Variants in ZBTB7C observed in about 807,000 individuals in gnomAD.
ZBTB7C encodes the protein zinc finger and BTB domain-containing protein 7C.
A neutral mutation model predicts 25.7 loss-of-function variants in ZBTB7C; 8 were observed. The observed-to-expected ratio is 0.31, with a 90% CI of 0.18 to 0.56. ZBTB7C has a LOEUF of 0.56. Ranked by LOEUF, ZBTB7C falls within the 20% of genes least tolerant of loss-of-function variation. The pLI is 0.91. For missense variants in ZBTB7C, 824 were observed against 855.2 expected, an observed-to-expected ratio of 0.96 and a Z score of 0.46; for synonymous variants, 394 against 369.0, an observed-to-expected ratio of 1.07 and a Z score of -0.78.
intron 3 of ZBTB7C, among the ~76,000 whole-genome samples, chr18:48,152,407 C>G (rs1166740573): frequency 2.0e-5 from 3 of 151,976 alleles, no homozygotes; most frequent in African/African-American, 7.3e-5. Context: ...TATTGTTTTA[C>G]CTATGGTAGG....
chr18:48,107,093 G>GA (rs1413250441), intron 3 of ZBTB7C, among the ~76,000 whole-genome samples: 38 of 150,972 alleles, frequency 2.5e-4, no homozygotes, highest in African/African-American at 9.0e-4. Flanking sequence ...GGGAGGAAAG[G>GA]AGAGAGGGGA....
At chr18:48,112,040 T>C (rs1267181634) in intron 3 of ZBTB7C, among the ~76,000 whole-genome samples, 2 of 152,182 alleles carry the variant, frequency 1.3e-5, no homozygotes, top group Non-Finnish European at 2.9e-5. Flanking sequence ...AAATAAAGTA[T>C]GAAATTGTAC....
chr18:48,344,824 T>C (rs1248791950), intron 1 of ZBTB7C, among the ~76,000 whole-genome samples: 2 of 152,234 alleles, frequency 1.3e-5, no homozygotes, highest in African/African-American at 2.4e-5. Context: ...ATGAGGACCA[T>C]GAAGGTTGTG....
intron 2 of ZBTB7C, among the ~76,000 whole-genome samples, chr18:48,264,107 G>A (rs960134543): frequency 6.6e-6 from 1 of 152,162 alleles, no homozygotes; most frequent in African/African-American, 2.4e-5. Context: ...TCCCACCATT[G>A]CTGAGTCAGC....
intron 3 of ZBTB7C, among the ~76,000 whole-genome samples, chr18:48,091,238 A>ATTTTTT (rs35051690): frequency 1.7e-4 from 11 of 64,666 alleles, no homozygotes; most frequent in African/African-American, 6.7e-4. Context: ...TGCCCGGATA[A>ATTTTTT]TTTTTTTTTT....
At chr18:48,341,182 T>A (rs552669934) in intron 1 of ZBTB7C, among the ~76,000 whole-genome samples, 1 of 152,378 alleles carries the variant, frequency 6.6e-6, no homozygotes, top group South Asian at 2.1e-4. Flanking sequence ...GGATTTATCA[T>A]GTTGTTCCCA....
At chr18:48,313,344 G>A (rs1455175348) in intron 2 of ZBTB7C, among the ~76,000 whole-genome samples, 2 of 152,182 alleles carry the variant, frequency 1.3e-5, no homozygotes, top group Non-Finnish European at 2.9e-5. Flanking sequence ...TGCTAAGAGT[G>A]AGCCTAGGGC....
intron 3 of ZBTB7C, among the ~76,000 whole-genome samples, chr18:48,132,103 C>T (rs1415353952): frequency 1.3e-5 from 2 of 152,140 alleles, no homozygotes; most frequent in East Asian, 3.8e-4. Context: ...TTCAAAACAG[C>T]ATTATTTACA....
intron 4 of ZBTB7C, among the ~76,000 whole-genome samples, chr18:48,033,270 G>A (rs1007696091): frequency 1.3e-5 from 2 of 152,180 alleles, no homozygotes; most frequent in African/African-American, 4.8e-5. Context: ...GCTTCCCAAA[G>A]GTATACAGCT....
chr18:48,283,915 G>A (rs1486835579), intron 2 of ZBTB7C, among the ~76,000 whole-genome samples: 1 of 152,188 alleles, frequency 6.6e-6, no homozygotes, highest in African/African-American at 2.4e-5. Context: ...GGGAGGCAAA[G>A]GCGGGCAGAT....
At position 48,179,926 on chromosome 18, in the gene ZBTB7C, C is replaced by G. The variant is rs149214480; in HGVS notation, c.-17+6008G>C. Among the ~76,000 whole-genome samples the G allele has an allele frequency of 3.5e-4, 47 of 134,074 alleles. 1 individual carries two copies. Among genetic ancestry groups the G allele is most frequent in the African/African-American group, 1.6e-3 (44 of 27,818 alleles). The allele number at this position is 134,074 out of a possible 152,430, so 88.0% of individuals were successfully genotyped here. A position where few individuals can be genotyped will look rare whatever the true frequency, so the allele number is the denominator to read the frequency against. ...CCTTCCTTCCTCCCTTCCTTCCTTC[C>G]TTCCCTGCTTCCTTCCTTCCTTCCC... On this transcript the variant is annotated intron_variant, in intron 3 of 4. Coordinates refer to ENST00000590800, the MANE Select transcript of ZBTB7C (RefSeq NM_001318841.2).
chr18:48,234,366 A>G (rs2043325724), intron 2 of ZBTB7C, among the ~76,000 whole-genome samples: 1 of 152,204 alleles, frequency 6.6e-6, no homozygotes, highest in Non-Finnish European at 1.5e-5. Flanking sequence ...GGCAGAAAAA[A>G]ATTGAAAAAC....
intron 2 of ZBTB7C, among the ~76,000 whole-genome samples, chr18:48,305,450 C>T (rs1392722437): frequency 6.6e-6 from 1 of 152,124 alleles, no homozygotes; most frequent in Non-Finnish European, 1.5e-5. Flanking sequence ...CTGCCCAGAC[C>T]GTAGCTTTAT....
intron 1 of ZBTB7C, among the ~76,000 whole-genome samples, chr18:48,401,183 A>G (rs935507524): frequency 6.6e-6 from 1 of 152,226 alleles, no homozygotes; most frequent in Non-Finnish European, 1.5e-5. Flanking sequence ...TCCCTGAGAT[A>G]GGGTAGTCGC....
At chr18:48,309,959 G>A (rs749757029) in intron 2 of ZBTB7C, among the ~76,000 whole-genome samples, 6 of 152,176 alleles carry the variant, frequency 3.9e-5, no homozygotes, top group Non-Finnish European at 8.8e-5. Flanking sequence ...GCCAGGTGCG[G>A]TGGCTCAGGC....
chr18:48,203,910 G>A (rs1465751623), intron 2 of ZBTB7C, among the ~76,000 whole-genome samples: 3 of 152,164 alleles, frequency 2.0e-5, no homozygotes, highest in Non-Finnish European at 2.9e-5. Flanking sequence ...TGAAGAGGGG[G>A]TGTCTCCTCT....
At chr18:48,332,812 A>G (rs2046372690) in intron 2 of ZBTB7C, among the ~76,000 whole-genome samples, 1 of 151,476 alleles carries the variant, frequency 6.6e-6, no homozygotes, top group African/African-American at 2.4e-5. Context: ...TCAACAGTCC[A>G]TGGCTTCCTC....
chr18:48,187,128 G>T (rs2042074908), intron 2 of ZBTB7C, among the ~76,000 whole-genome samples: 1 of 152,178 alleles, frequency 6.6e-6, no homozygotes, highest in South Asian at 2.1e-4. Flanking sequence ...TGGCAAGCTG[G>T]CAATCTGCTC....
intron 1 of ZBTB7C, among the ~76,000 whole-genome samples, chr18:48,373,675 C>T (rs1009843510): frequency 2.6e-5 from 4 of 152,172 alleles, no homozygotes; most frequent in African/African-American, 9.7e-5. Context: ...ATTTAAAAGT[C>T]TGTGGGCCGG....
Sources: gnomAD v4.1 joint callset for allele counts (sites outside exome capture counted in the v4.1 genomes callset) on GRCh38, gnomAD v4.1.1 for gene constraint, MANE v1.5 for transcripts, NCBI Gene and HGNC (gene_info 2026-07-23, HGNC 2026-07-21) for gene names.